ARHGAP23: variants seen among roughly 807,000 people sequenced by gnomAD.
The protein encoded by ARHGAP23 is rho GTPase-activating protein 23.
Under a neutral mutation model 136.3 loss-of-function variants are expected in ARHGAP23, and 34 were observed. That is an observed-to-expected ratio of 0.25 (90% confidence interval 0.19 to 0.33). ARHGAP23 has a LOEUF of 0.33. ARHGAP23 is among the 10% of genes least tolerant of loss of function. ARHGAP23 has a pLI of 1.00. For missense variants in ARHGAP23, 1,808 were observed against 2,139.0 expected (o/e 0.85, Z 3.05); for synonymous variants, 832 against 920.5 (o/e 0.90, Z 1.74).
chr17:38,458,999 G>C (rs1255291415), intron 2 of ARHGAP23, among the ~76,000 whole-genome samples: 1 of 152,194 alleles, frequency 6.6e-6, no homozygotes, highest in East Asian at 1.9e-4. Context: ...TGTGAGCTAG[G>C]GGGAGGGGTC....
chr17:38,501,161 G>C (rs972367984), intron 23 of ARHGAP23: 1 of 152,112 alleles, frequency 6.6e-6, no homozygotes, highest in African/African-American at 2.4e-5. Context: ...GAAACCAAAA[G>C]CTGGTTCTTT....
chr17:38,493,194 CTTTT>C (rs60372950), intron 20 of ARHGAP23, among the ~76,000 whole-genome samples: 1 of 133,056 alleles, frequency 7.5e-6, no homozygotes, highest in Admixed American at 8.9e-5. Flanking sequence ...TCTCTTTTCG[CTTTT>C]TTTTTGTTTT....
chr17:38,450,872 A>C (rs142167905), intron 1 of ARHGAP23: 1 of 152,416 alleles, frequency 6.6e-6, no homozygotes, highest in East Asian at 1.9e-4. Context: ...TGCAGCCTTC[A>C]AGCCCCTCCC....
chr17:38,465,315 C>T (rs6503637), intron 6 of ARHGAP23, among the ~76,000 whole-genome samples: 121,351 of 152,038 alleles, frequency 0.8, 48,845 homozygotes, highest in East Asian at 0.97. Context: ...TCATTGTGTT[C>T]TACTGTGTGT....
intron 1 of ARHGAP23, chr17:38,453,735 C>T (rs1305829813): frequency 6.7e-6 from 1 of 148,676 alleles, no homozygotes; most frequent in African/African-American, 2.4e-5. Context: ...ATCCAGCCGT[C>T]CTGCCGCCGT....
chr17:38,457,843 G>C (rs1685743413), intron 1 of ARHGAP23: 2 of 571,428 alleles, frequency 3.5e-6, no homozygotes, highest in South Asian at 4.2e-5. Flanking sequence ...ACTTGCTTCA[G>C]TGAGTTATTT....
At chr17:38,449,800 T>A (rs1444193959) in intron 1 of ARHGAP23, among the ~76,000 whole-genome samples, 1 of 152,146 alleles carries the variant, frequency 6.6e-6, no homozygotes, top group South Asian at 2.1e-4. Flanking sequence ...GTTTGTCACC[T>A]GGCAGTTTGG....
intron 1 of ARHGAP23, among the ~76,000 whole-genome samples, chr17:38,438,219 G>A (rs1472718106): frequency 6.6e-6 from 1 of 151,598 alleles, no homozygotes; most frequent in East Asian, 1.9e-4. Context: ...TACTTGGGGG[G>A]CTGAGGCAGG....
intron 19 of ARHGAP23, among the ~76,000 whole-genome samples, chr17:38,490,782 C>G (rs60126829): frequency 6.6e-6 from 1 of 152,190 alleles, no homozygotes; most frequent in Non-Finnish European, 1.5e-5. Context: ...GAACCCCGGC[C>G]CCCCGTATCC....
chr17:38,498,187 T>C (rs1390703551), intron 21 of ARHGAP23, among the ~76,000 whole-genome samples: 3 of 152,160 alleles, frequency 2.0e-5, no homozygotes, highest in Non-Finnish European at 4.4e-5. Context: ...AAGGGGCCGC[T>C]CTGGCCTTCG....
At chr17:38,489,746 C>T (rs2040231433) in intron 17 of ARHGAP23, 1 of 241,852 alleles carries the variant, frequency 4.1e-6, no homozygotes, top group South Asian at 8.7e-5. Context: ...TGAAGCCCCT[C>T]CTCCTCTCCA....
intron 23 of ARHGAP23, among the ~76,000 whole-genome samples, chr17:38,505,657 G>T (rs201019768): frequency 6.6e-6 from 1 of 152,212 alleles, no homozygotes; most frequent in Non-Finnish European, 1.5e-5. Flanking sequence ...GGCCAAGCAT[G>T]GTGGCTCATG....
At chr17:38,497,458 C>T (rs1053265782) in intron 20 of ARHGAP23, among the ~76,000 whole-genome samples, 2 of 152,176 alleles carry the variant, frequency 1.3e-5, no homozygotes, top group African/African-American at 2.4e-5. Flanking sequence ...GGGGTGTGCC[C>T]AGGACAGTGT....
chr17:38,509,890 C>T lies in ARHGAP23; in HGVS notation c.3448-54C>T. 4.1e-6 allele frequency: 5 copies of T among 1,208,000 alleles called. No individual in the cohort carries two copies. In the South Asian group the frequency reaches 1.3e-4, roughly 31 times the overall value. The allele number at this position is 1,208,000 out of a possible 1,614,324, so 74.8% of individuals were successfully genotyped here. On this transcript the variant is annotated intron_variant, in intron 23 of 23. Transcript: ENST00000622683. ...GGGGGTGGACCGGGTAGAGCGGGGT[C>T]GGCAGGGGGCCGAGTCCGGGCGCCC...
chr17:38,491,597 C>T, intron 20 of ARHGAP23, 65 bp downstream of exon 20: 25 of 1,542,112 alleles, frequency 1.6e-5, no homozygotes, highest in Non-Finnish European at 2.2e-5. Flanking sequence ...CTCTGAGCCC[C>T]TCGCTCTTGC....
At position 38,469,606 on chromosome 17, in the gene ARHGAP23, C is replaced by T. The variant is rs575985477; in HGVS notation, c.1887C>T (p.Asn629=). Residue 629 remains asparagine, a synonymous_variant, in exon 9 of 24, where the codon AAC becomes AAT. Transcript: ENST00000622683. ...CCAAGTCCTGCGATGATGGACTCAACACCTTCCGCGACGAGGGCCGGGTTC... is the reference window on the plus strand; with the variant it reads ...CCAAGTCCTGCGATGATGGACTCAATACCTTCCGCGACGAGGGCCGGGTTC... ...ERSKSCDDGL[N]TFRDEGRVLR... is the part of the protein sequence containing the mutation. 46 of 1,548,816 alleles carry T rather than the reference C, an allele frequency of 3.0e-5. No homozygotes were observed. In the South Asian group the frequency reaches 3.3e-4, roughly 11 times the overall value.
Position 38,479,845 on chromosome 17 carries a change from G to A in ARHGAP23, c.2591G>A (p.Arg864His), listed in dbSNP as rs938728133. Residue 864 changes from arginine to histidine, a missense_variant, in exon 14 of 24, where the codon CGT becomes CAT. Coordinates refer to ENST00000622683, the MANE Select transcript of ARHGAP23 (RefSeq NM_001199417.2). Reference protein sequence around the residue: ...KSEFLKQSAARGLRTQDLPAG... With the variant: ...KSEFLKQSAAHGLRTQDLPAG... Reference sequence around the variant, plus strand: ...GAGTTCCTCAAGCAGAGTGCGGCACGTGGCCTCAGGACTCAGGACCTGCCC... The same window carrying A: ...GAGTTCCTCAAGCAGAGTGCGGCACATGGCCTCAGGACTCAGGACCTGCCC... 13 of 1,545,432 alleles carry A rather than the reference G, an allele frequency of 8.4e-6. No homozygotes were observed. The African/African-American group carries it at 1.7e-4, about 20-fold the overall frequency.
At chr17:38,449,819 T>C (rs906232096) in intron 1 of ARHGAP23, among the ~76,000 whole-genome samples, 4 of 152,142 alleles carry the variant, frequency 2.6e-5, no homozygotes, top group Non-Finnish European at 5.9e-5. Context: ...GGGGCCCACA[T>C]TCTGGGAAGA....
At position 38,466,613 on chromosome 17, in the gene ARHGAP23, C is replaced by A; in HGVS notation, c.930C>A (p.Pro310=). 1 of 1,513,642 alleles carries A rather than the reference C, an allele frequency of 6.6e-7. No homozygotes were observed. The highest frequency in any genetic ancestry group is 8.8e-7 in the Non-Finnish European group (1 of 1,135,968). The allele number at this position is 1,513,642 out of a possible 1,614,324, so 93.8% of individuals were successfully genotyped here. A position where few individuals can be genotyped will look rare whatever the true frequency, so the allele number is the denominator to read the frequency against. Residue 310 remains proline (P), a synonymous_variant, in exon 7 of 24, where the codon CCC becomes CCA. Coordinates refer to ENST00000622683, the MANE Select transcript of ARHGAP23 (RefSeq NM_001199417.2). ...AGERRCPAMA[P]RARSASQDRL... ...AGAGACGGTGCCCAGCCATGGCCCC[C>A]CGGGCCCGCAGCGCCTCCCAGGACC...
Sources: allele counts gnomAD v4.1 joint callset (sites outside exome capture counted in the v4.1 genomes callset), GRCh38; gene constraint gnomAD v4.1.1; transcripts MANE v1.5; gene names NCBI Gene and HGNC (gene_info 2026-07-23, HGNC 2026-07-21).